PIKFYVE: variants seen among roughly 807,000 people sequenced by gnomAD.
The protein encoded by PIKFYVE is 1-phosphatidylinositol 3-phosphate 5-kinase.
A neutral mutation model predicts 257.9 loss-of-function variants in PIKFYVE; 122 were observed. The observed-to-expected ratio is 0.47, with a 90% CI of 0.41 to 0.55. The LOEUF (loss-of-function observed/expected upper bound fraction) is 0.55. Ranked by LOEUF, PIKFYVE falls within the 20% of genes least tolerant of loss-of-function variation. PIKFYVE has a pLI of 0.00. For synonymous variants in PIKFYVE, 892 were observed against 868.9 expected, an observed-to-expected ratio of 1.03 and a Z score of -0.47; for missense variants, 2,160 against 2,536.6, an observed-to-expected ratio of 0.85 and a Z score of 3.19.
intron 5 of PIKFYVE, among the ~76,000 whole-genome samples, chr2:208,277,914 A>C (rs1690315753): frequency 6.6e-6 from 1 of 152,182 alleles, no homozygotes; most frequent in African/African-American, 2.4e-5. Flanking sequence ...ACTAGAGTAA[A>C]AGTGTATTTA....
chr2:208,339,414 T>G lies in PIKFYVE; in HGVS notation c.4673-4T>G. On this transcript the variant is annotated splice_region_variant and splice_polypyrimidine_tract_variant and intron_variant, in intron 29 of 41. Coordinates refer to ENST00000264380, the MANE Select transcript of PIKFYVE (RefSeq NM_015040.4). ...GACTCATTTAAGATTGTGTTTTTCT[T>G]TAGAGGATCGCTTCTTAACAACTTT... is the stretch of plus-strand genomic sequence containing the variant. The G allele has an allele frequency of 6.2e-7, 1 of 1,614,106 alleles. No homozygotes were observed. Among genetic ancestry groups the G allele is most frequent in the East Asian group, 2.2e-5 (1 of 44,878 alleles).
chr2:208,280,596 A>G (rs556353148), intron 5 of PIKFYVE, among the ~76,000 whole-genome samples: 18 of 152,328 alleles, frequency 1.2e-4, no homozygotes, highest in African/African-American at 4.3e-4. Flanking sequence ...TAGAAAGATT[A>G]ACGGTGTACA....
intron 7 of PIKFYVE, among the ~76,000 whole-genome samples, chr2:208,292,370 G>A (rs1692425001): frequency 6.6e-6 from 1 of 152,090 alleles, no homozygotes; most frequent in Non-Finnish European, 1.5e-5. Context: ...TCTGCTGGAT[G>A]TATCCATCTC....
intron 12 of PIKFYVE, among the ~76,000 whole-genome samples, chr2:208,307,028 C>T (rs894345307): frequency 6.6e-6 from 1 of 152,172 alleles, no homozygotes; most frequent in African/African-American, 2.4e-5. Context: ...ATTCACCTGC[C>T]TTAGCTTTCC....
Position 208,276,800 on chromosome 2 carries a change from C to T in PIKFYVE, c.411C>T (p.Arg137=), listed in dbSNP as rs780987214. 1 of 1,613,508 alleles carries T rather than the reference C, an allele frequency of 6.2e-7. No individual in the cohort carries two copies. Among genetic ancestry groups the T allele is most frequent in the East Asian group, 2.2e-5 (1 of 44,860 alleles). The change falls in exon 4 of 42, where the codon CGC becomes CGT. Residue 137 remains arginine (R), a synonymous_variant. Transcript: ENST00000264380. The part of the protein sequence containing the change: ...QLRSLSTVLK[R]LKEIMEGKSQ... ...GAAGCCTCAGCACAGTATTAAAACG[C>T]CTCAAGGAAATCATGGAGGGGAAAA...
intron 37 of PIKFYVE, 42 bp downstream of exon 37, chr2:208,350,989 C>CA (rs1482866987): frequency 1.2e-6 from 2 of 1,608,270 alleles, no homozygotes; most frequent in Non-Finnish European, 1.7e-6. Flanking sequence ...CAGTAGTCTT[C>CA]ATCTCTTTAC....
intron 8 of PIKFYVE, among the ~76,000 whole-genome samples, chr2:208,300,074 C>T (rs1327192117): frequency 6.6e-6 from 1 of 152,016 alleles, no homozygotes; most frequent in Non-Finnish European, 1.5e-5. Flanking sequence ...GAAATAAGAT[C>T]AGTGGGAAGA....
In PIKFYVE at chr2:208,351,556, C is replaced by G. The variant is rs1402421788; in HGVS notation, c.5715+101C>G. ...TTCTTGTGTTGCTATAAAGAAATAC[C>G]TGAGGCTGGGTAATTTGTAAAGAAA... On this transcript the variant is annotated intron_variant, in intron 38 of 41. Transcript: ENST00000264380. 4 of 986,440 alleles carry G rather than the reference C, an allele frequency of 4.1e-6. No individual in the cohort carries two copies. The East Asian group carries it at 9.6e-5, about 24-fold the overall frequency. The allele number at this position is 986,440 out of a possible 1,614,324, so 61.1% of individuals were successfully genotyped here.
At chr2:208,320,120 A>G (rs934712) in intron 16 of PIKFYVE, 132 bp from the exon 17 acceptor site, 1,219,313 of 1,256,096 alleles carry the variant, frequency 0.97, 593,055 homozygotes, top group Non-Finnish European at 0.98. Context: ...CTAAATGAGA[A>G]TATATTAATA....
chr2:208,337,784 C>T (rs571410988), intron 28 of PIKFYVE, among the ~76,000 whole-genome samples: 7 of 152,100 alleles, frequency 4.6e-5, no homozygotes, highest in Non-Finnish European at 8.8e-5. Context: ...TGCAGTGGTG[C>T]GATCGCGGCT....
chr2:208,330,699 A>G lies in PIKFYVE; in HGVS notation c.3963+5A>G. 6.2e-7 allele frequency: 1 copy of G among 1,611,496 alleles called. No homozygotes were observed. Among genetic ancestry groups the G allele is most frequent in the Non-Finnish European group, 8.5e-7 (1 of 1,178,116 alleles). ...TGGTGTAGAATCTGCAAACAGGTAA[A>G]TAGACCCTATTACTATATTTTGTTT... On this transcript the variant is annotated splice_donor_5th_base_variant and intron_variant, in intron 23 of 41. Coordinates refer to ENST00000264380, the MANE Select transcript of PIKFYVE (RefSeq NM_015040.4).
chr2:208,335,951 A>T, intron 26 of PIKFYVE, 50 bp downstream of exon 26: 5 of 1,577,398 alleles, frequency 3.2e-6, no homozygotes, highest in Non-Finnish European at 4.3e-6. Context: ...TTGATTAAAA[A>T]TTATTGATTA....
intron 32 of PIKFYVE, among the ~76,000 whole-genome samples, chr2:208,344,474 A>G (rs754755965): frequency 6.6e-6 from 1 of 152,102 alleles, no homozygotes; most frequent in Non-Finnish European, 1.5e-5. Flanking sequence ...ACTTTATTTA[A>G]TAGTCATAAT....
At position 208,273,744 on chromosome 2, in the gene PIKFYVE, G is replaced by C. The variant is rs1298553933; in HGVS notation, c.322+11G>C. The C allele has an allele frequency of 6.2e-7, 1 of 1,613,806 alleles. No homozygotes were observed. The highest frequency in any genetic ancestry group is 8.5e-7 in the Non-Finnish European group (1 of 1,179,830). On this transcript the variant is annotated intron_variant, in intron 3 of 41. Transcript: ENST00000264380. The stretch of plus-strand genomic sequence containing the variant: ...GCTCTTCAGCATTAGGTAAAACAGT[G>C]TTCTTATTTCATTCCCTTCTATATG...
chr2:208,321,805 C>T (rs1696276392), intron 17 of PIKFYVE, among the ~76,000 whole-genome samples: 1 of 151,740 alleles, frequency 6.6e-6, no homozygotes, highest in Non-Finnish European at 1.5e-5. Context: ...GTCTTGAGCT[C>T]CAGATGTCAG....
At chr2:208,275,278 G>C (rs1238379412) in intron 3 of PIKFYVE, among the ~76,000 whole-genome samples, 1 of 152,212 alleles carries the variant, frequency 6.6e-6, no homozygotes, top group African/African-American at 2.4e-5. Flanking sequence ...TTCATCTTCA[G>C]CCAACATCTG....
intron 5 of PIKFYVE, among the ~76,000 whole-genome samples, chr2:208,284,178 T>G (rs1691226738): frequency 6.6e-6 from 1 of 152,102 alleles, no homozygotes; most frequent in African/African-American, 2.4e-5. Flanking sequence ...AAAACTTCTA[T>G]TTGGACAGGA....
In PIKFYVE at chr2:208,290,314, C is replaced by A. The variant is rs545337516; in HGVS notation, c.911+1496C>A. 2.1e-4 allele frequency among the ~76,000 whole-genome samples: 32 copies of A among 152,264 alleles called. 1 individual carries two copies. The highest frequency in any genetic ancestry group is 2.9e-4 in the Non-Finnish European group (20 of 68,004). Reference sequence around the variant, plus strand: ...TCCCCAACCCATGACAATCATTAATCTTTTTTACTGTCTCCATAGTTTTAC... The same window carrying A: ...TCCCCAACCCATGACAATCATTAATATTTTTTACTGTCTCCATAGTTTTAC... On this transcript the variant is annotated intron_variant, in intron 7 of 41. Transcript: ENST00000264380.
Position 208,355,995 on chromosome 2 carries a change from T to C in PIKFYVE, c.*690T>C, listed in dbSNP as rs1205991511. ...AACTTTAAGCCTCCTTTTAGAGATA[T>C]TTTTAAAACTTGTTTAAAATTTTTG... On this transcript the variant is annotated 3_prime_UTR_variant, in exon 42 of 42. Transcript: ENST00000264380. 1.3e-5 allele frequency: 2 copies of C among 152,626 alleles called. No homozygotes were observed. Among genetic ancestry groups the C allele is most frequent in the East Asian group, 3.9e-4 (2 of 5,192 alleles). The allele number at this position is 152,626 out of a possible 1,614,324, so 9.5% of individuals were successfully genotyped here. A position where few individuals can be genotyped will look rare whatever the true frequency, so the allele number is the denominator to read the frequency against.
Sources: allele counts gnomAD v4.1 joint callset (sites outside exome capture counted in the v4.1 genomes callset), GRCh38; gene constraint gnomAD v4.1.1; transcripts MANE v1.5; gene names NCBI Gene and HGNC (gene_info 2026-07-23, HGNC 2026-07-21).